Variants in SIPA1L3 observed in about 807,000 individuals in gnomAD.
The protein encoded by SIPA1L3 is signal induced proliferation associated 1 like 3.
In SIPA1L3, 59 loss-of-function variants were observed where a neutral mutation model predicts 150.1. That is an observed-to-expected ratio of 0.39 (90% CI 0.32 to 0.49). The LOEUF is 0.49. Among genes scored for constraint, SIPA1L3 ranks in the 20% least tolerant of loss-of-function variants. The pLI, the probability that SIPA1L3 is intolerant of heterozygous loss-of-function variation, is 0.86. For synonymous variants in SIPA1L3, 1,070 were observed against 1,077.6 expected (o/e 0.99, Z 0.14); for missense variants, 2,211 against 2,489.5 (o/e 0.89, Z 2.38).
At chr19:38,000,900 A>ATATATATATGT (rs765478735) in intron 1 of SIPA1L3, among the ~76,000 whole-genome samples, 34,432 of 129,866 alleles carry the variant, frequency 0.27, 5,175 homozygotes, top group East Asian at 0.68. Context: ...TATGTTATAT[A>ATATATATATGT]TATATATATA....
chr19:38,072,792 G>A (rs532238800), intron 2 of SIPA1L3, among the ~76,000 whole-genome samples: 72 of 152,390 alleles, frequency 4.7e-4, no homozygotes, highest in Non-Finnish European at 9.4e-4. Flanking sequence ...AACCACAACT[G>A]TCCACATTGG....
intron 13 of SIPA1L3, among the ~76,000 whole-genome samples, chr19:38,158,017 G>T (rs1971988619): frequency 6.6e-6 from 1 of 152,204 alleles, no homozygotes; most frequent in East Asian, 1.9e-4. Context: ...AAGGCAGGCG[G>T]ATCACTTGAG....
chr19:38,081,971 A>G lies in SIPA1L3; in HGVS notation c.406A>G (p.Lys136Glu). Residue 136 changes from lysine to glutamate, a missense_variant, in exon 3 of 22, where the codon AAA becomes GAA. Around this residue, in one of 5 missense-constraint regions of SIPA1L3, gnomAD observed 587 missense variants for 534.5 expected, o/e 1.10. Transcript: ENST00000222345. ...PTSTPASSGSKAFHRLSRRRS... is the reference protein window; with the variant it reads ...PTSTPASSGSEAFHRLSRRRS... ...CAGCACCCCGGCTTCCTCAGGGTCC[A>G]AAGCCTTCCACCGACTCTCCAGGAG... is the stretch of plus-strand genomic sequence containing the variant. 1 of 1,614,162 alleles carries G rather than the reference A, an allele frequency of 6.2e-7. No individual in the cohort carries two copies.
intron 2 of SIPA1L3, among the ~76,000 whole-genome samples, chr19:38,077,143 G>C (rs1969855094): frequency 1.3e-5 from 2 of 152,154 alleles, no homozygotes; most frequent in Admixed American, 6.6e-5. Flanking sequence ...TGAGTTCCCA[G>C]ATGCCAGTGA....
At chr19:37,985,389 G>A (rs1004564726) in intron 1 of SIPA1L3, among the ~76,000 whole-genome samples, 5 of 152,070 alleles carry the variant, frequency 3.3e-5, no homozygotes, top group African/African-American at 1.2e-4. Context: ...TTAGTCAAGT[G>A]TGATGGCACA....
chr19:37,922,784 C>G (rs2046468218), intron 1 of SIPA1L3, among the ~76,000 whole-genome samples: 1 of 151,848 alleles, frequency 6.6e-6, no homozygotes, highest in Non-Finnish European at 1.5e-5. Context: ...GGGTTCTCAC[C>G]CTTCTGGGGC....
intron 1 of SIPA1L3, among the ~76,000 whole-genome samples, chr19:37,966,506 G>A (rs1041057460): frequency 6.6e-6 from 1 of 152,154 alleles, no homozygotes; most frequent in Admixed American, 6.5e-5. Context: ...GAGCATTCCT[G>A]TGGCTTCTGG....
At chr19:37,983,905 C>CAAA (rs397859822) in intron 1 of SIPA1L3, among the ~76,000 whole-genome samples, 2 of 75,878 alleles carry the variant, frequency 2.6e-5, no homozygotes, top group African/African-American at 4.9e-5. Context: ...GACCCCATCT[C>CAAA]AAAAAAAAAA....
At chr19:38,156,225 T>A (rs1229695040) in intron 13 of SIPA1L3, among the ~76,000 whole-genome samples, 1 of 152,110 alleles carries the variant, frequency 6.6e-6, no homozygotes, top group Non-Finnish European at 1.5e-5. Flanking sequence ...CCTGCAATTC[T>A]GTCATCTTTG....
At chr19:38,156,130 C>G (rs115115984) in intron 13 of SIPA1L3, among the ~76,000 whole-genome samples, 2 of 152,032 alleles carry the variant, frequency 1.3e-5, no homozygotes, top group Admixed American at 1.3e-4. Context: ...GGAAGCAGGT[C>G]GAACTGCTGG....
intron 10 of SIPA1L3, among the ~76,000 whole-genome samples, chr19:38,134,278 C>T (rs565053036): frequency 6.6e-6 from 1 of 151,318 alleles, no homozygotes; most frequent in African/African-American, 2.4e-5. Context: ...GCCACTGCAC[C>T]CAGCCCAAAT....
At position 38,081,805 on chromosome 19, in the gene SIPA1L3, C is replaced by T. The variant is rs750904543; in HGVS notation, c.240C>T (p.Arg80=). ...TTPAMPKMGV[R]ARVADWPPKR... ...CCGCAATGCCCAAGATGGGCGTGCGCGCAAGGGTGGCCGACTGGCCGCCCA... is the reference window on the plus strand; with the variant it reads ...CCGCAATGCCCAAGATGGGCGTGCGTGCAAGGGTGGCCGACTGGCCGCCCA... The change falls in exon 3 of 22, where the codon CGC becomes CGT. Residue 80 remains arginine (R), a synonymous_variant. Transcript: ENST00000222345. 3.2e-5 allele frequency: 51 copies of T among 1,613,136 alleles called. No individual in the cohort carries two copies. Among genetic ancestry groups the T allele is most frequent in the East Asian group, 4.5e-5 (2 of 44,862 alleles).
chr19:37,998,260 C>T (rs756399440), intron 1 of SIPA1L3, among the ~76,000 whole-genome samples: 7 of 152,208 alleles, frequency 4.6e-5, no homozygotes, highest in Non-Finnish European at 7.3e-5. Flanking sequence ...TACTCTGTTA[C>T]TGCAGGCTGA....
At chr19:37,996,909 C>A (rs1480260396) in intron 1 of SIPA1L3, among the ~76,000 whole-genome samples, 1 of 151,934 alleles carries the variant, frequency 6.6e-6, no homozygotes, top group African/African-American at 2.4e-5. Context: ...GTTGGCCAGG[C>A]TGGTCTCGAA....
At chr19:37,945,666 A>G (rs2046704383) in intron 1 of SIPA1L3, among the ~76,000 whole-genome samples, 1 of 152,108 alleles carries the variant, frequency 6.6e-6, no homozygotes, top group African/African-American at 2.4e-5. Context: ...CTGTGGGTCA[A>G]GGTCTGTGGC....
At chr19:38,205,414 G>A (rs900596314) in intron 21 of SIPA1L3, among the ~76,000 whole-genome samples, 1 of 146,228 alleles carries the variant, frequency 6.8e-6, no homozygotes, top group African/African-American at 2.6e-5. Flanking sequence ...CCGAGATCAT[G>A]CCTCTGCACT....
At chr19:38,121,947 G>A (rs577671940) in intron 9 of SIPA1L3, among the ~76,000 whole-genome samples, 101 of 151,962 alleles carry the variant, frequency 6.6e-4, no homozygotes, top group African/African-American at 2.3e-3. Flanking sequence ...GTGGCCAGGC[G>A]CGGTGGCTCA....
At chr19:38,181,513 A>G (rs1032444511) in intron 15 of SIPA1L3, among the ~76,000 whole-genome samples, 4 of 151,416 alleles carry the variant, frequency 2.6e-5, no homozygotes, top group Admixed American at 1.3e-4. Context: ...CCCCCACAAA[A>G]TGCCCCCTTT....
At chr19:38,030,904 G>T (rs745410585) in intron 2 of SIPA1L3, among the ~76,000 whole-genome samples, 1 of 152,062 alleles carries the variant, frequency 6.6e-6, no homozygotes, top group Non-Finnish European at 1.5e-5. Flanking sequence ...GGAGGTGGAA[G>T]GGGGAGGATT....
Sources: gnomAD v4.1 joint callset for allele counts (sites outside exome capture counted in the v4.1 genomes callset) on GRCh38, gnomAD v4.1.1 for gene constraint, gnomAD v4.1.1 regional missense constraint, MANE v1.5 for transcripts, NCBI Gene and HGNC (gene_info 2026-07-23, HGNC 2026-07-21) for gene names.